Variants in SLC25A48 observed in about 807,000 individuals in gnomAD.
The protein encoded by SLC25A48 is solute carrier family 25 member 48.
SLC25A48 carries 29 observed loss-of-function variants against 32.2 expected under a neutral mutation model. The ratio of observed to expected loss-of-function variants is 0.90; its 90% CI spans 0.67 to 1.23. The LOEUF (loss-of-function observed/expected upper bound fraction) is 1.23. Among genes scored for constraint, SLC25A48 ranks in the 50% most tolerant of loss-of-function variants. The pLI is 0.00. For missense variants in SLC25A48, 399 were observed against 422.7 expected, an observed-to-expected ratio of 0.94 and a Z score of 0.49; for synonymous variants, 164 against 172.3, an observed-to-expected ratio of 0.95 and a Z score of 0.38.
chr5:135,842,564 A>G, intron 2 of SLC25A48, 105 bp downstream of exon 2: 2 of 1,205,624 alleles, frequency 1.7e-6, no homozygotes, highest in South Asian at 2.5e-5. Flanking sequence ...TCTTCTGCCC[A>G]GGGCAGACTC....
rs1756704823 is a variant in SLC25A48, at chr5:135,780,994, A to G, written c.-520-31529A>G. 1.7e-5 allele frequency among the ~76,000 whole-genome samples: 2 copies of G among 116,786 alleles called. 1 individual carries two copies. Among genetic ancestry groups the G allele is most frequent in the African/African-American group, 5.2e-5 (2 of 38,296 alleles). 76.6% of individuals were successfully genotyped at this position (116,786 alleles called of 152,430 possible). On this transcript the variant is annotated intron_variant, in intron 3 of 10. Transcript: ENST00000646290. ...ATCTCAGGGAGTGTACACTACCCCT[A>G]TATATTGTTCCTAATATCCAGGGGG...
intron 3 of SLC25A48, among the ~76,000 whole-genome samples, chr5:135,678,948 G>A (rs964673036): frequency 6.6e-6 from 1 of 152,118 alleles, no homozygotes; most frequent in Non-Finnish European, 1.5e-5. Flanking sequence ...GTCTGTCCTT[G>A]GGCTCCAGGA....
chr5:135,828,513 C>G (rs1012367323), intron 4 of SLC25A48, among the ~76,000 whole-genome samples: 20 of 152,332 alleles, frequency 1.3e-4, no homozygotes, highest in African/African-American at 4.8e-4. Context: ...CTCTCAGGTG[C>G]TGAGGAGGAT....
chr5:135,665,199 T>G (rs1261466073), intron 3 of SLC25A48, among the ~76,000 whole-genome samples: 1 of 152,216 alleles, frequency 6.6e-6, no homozygotes, highest in East Asian at 1.9e-4. Flanking sequence ...TTTTTTCATG[T>G]TTGTTGGCTA....
chr5:135,725,348 G>C lies in SLC25A48; in HGVS notation c.-520-87175G>C, dbSNP rs562437908. On this transcript the variant is annotated intron_variant, in intron 3 of 10. Coordinates refer to the SLC25A48 transcript ENST00000646290. ...GTGTGGAAGAGACTGTGACTGGAGT[G>C]GGGGCTGGTGGAGTGGTCAGGGATG... 1.7e-3 allele frequency among the ~76,000 whole-genome samples: 259 copies of C among 152,294 alleles called. 1 individual carries two copies. The highest frequency in any genetic ancestry group is 6.0e-3 in the African/African-American group (251 of 41,554).
chr5:135,603,214 A>C (rs760154667), intron 1 of SLC25A48, among the ~76,000 whole-genome samples: 4 of 152,106 alleles, frequency 2.6e-5, no homozygotes, highest in African/African-American at 9.7e-5. Context: ...TCATACATTC[A>C]TCTGGTTCCT....
At chr5:135,718,008 T>A (rs1187059825) in intron 3 of SLC25A48, among the ~76,000 whole-genome samples, 1 of 143,202 alleles carries the variant, frequency 7.0e-6, no homozygotes, top group Admixed American at 6.9e-5. Context: ...TTGAGACTCC[T>A]TTTTTGTTGT....
intron 4 of SLC25A48, among the ~76,000 whole-genome samples, chr5:135,820,986 C>T (rs920781105): frequency 1.3e-5 from 2 of 152,160 alleles, no homozygotes; most frequent in Admixed American, 6.5e-5. Flanking sequence ...GTCTCAGCCT[C>T]GTGACCATCA....
chr5:135,580,217 G>T (rs925899255), intron 1 of SLC25A48, among the ~76,000 whole-genome samples: 9 of 152,292 alleles, frequency 5.9e-5, no homozygotes, highest in African/African-American at 1.9e-4. Flanking sequence ...AGGCCAGGAG[G>T]GTCCTCAGTA....
At chr5:135,657,907 G>A (rs1327958130) in intron 3 of SLC25A48, among the ~76,000 whole-genome samples, 1 of 152,122 alleles carries the variant, frequency 6.6e-6, no homozygotes, top group East Asian at 1.9e-4. Flanking sequence ...AATAGCAAAG[G>A]GGAAATCTGC....
rs114387961 is a variant in SLC25A48, at chr5:135,580,263, C to T, written c.-849+666C>T. The stretch of plus-strand genomic sequence containing the variant: ...CAGAACTGGGACTCCTGTCCCTGGA[C>T]CACTCTGTTGCTTTGAGGCCTGTCT... On this transcript the variant is annotated intron_variant, in intron 1 of 10. Coordinates refer to the SLC25A48 transcript ENST00000646290. 5.8e-3 allele frequency among the ~76,000 whole-genome samples: 891 copies of T among 152,314 alleles called. 6 individuals are homozygous for T. Among genetic ancestry groups the T allele is most frequent in the African/African-American group, 0.02 (845 of 41,550 alleles).
At position 135,656,802 on chromosome 5, in the gene SLC25A48, A is replaced by T. The variant is rs568635030; in HGVS notation, c.-521+21846A>T. ...ATCTGCAAGCCAAGGAACGCCTGGG[A>T]CTGCCACTGCCAGCAAAACACTGGA... On this transcript the variant is annotated intron_variant, in intron 3 of 10. Coordinates refer to the SLC25A48 transcript ENST00000646290. Among the ~76,000 whole-genome samples, 340 of 152,274 alleles carry T rather than the reference A, an allele frequency of 2.2e-3. 3 individuals are homozygous for T. Among genetic ancestry groups the T allele is most frequent in the African/African-American group, 7.8e-3 (326 of 41,538 alleles).
At chr5:135,860,096 G>A (rs78630912) in intron 4 of SLC25A48, among the ~76,000 whole-genome samples, 1 of 152,148 alleles carries the variant, frequency 6.6e-6, no homozygotes, top group Non-Finnish European at 1.5e-5. Context: ...GTCTGGCAAA[G>A]TTAGCTCAGC....
chr5:135,692,614 C>T lies in SLC25A48; in HGVS notation c.-521+57658C>T, dbSNP rs1304885077. 2.6e-5 allele frequency among the ~76,000 whole-genome samples: 4 copies of T among 152,162 alleles called. No individual in the cohort carries two copies. The East Asian group carries it at 7.7e-4, about 29-fold the overall frequency. On this transcript the variant is annotated intron_variant, in intron 3 of 10. Coordinates refer to the SLC25A48 transcript ENST00000646290. ...ATTTGCTATTAAAAAGTGCCCCAGA[C>T]AGAGGAGAAGTCACGGGAAAGGTAG... is the stretch of plus-strand genomic sequence containing the variant.
At chr5:135,744,299 G>A (rs1580834296) in intron 3 of SLC25A48, among the ~76,000 whole-genome samples, 1 of 152,030 alleles carries the variant, frequency 6.6e-6, no homozygotes, top group Admixed American at 6.5e-5. Flanking sequence ...ACCTCCACTG[G>A]TAGAGATGGT....
intron 1 of SLC25A48, among the ~76,000 whole-genome samples, chr5:135,585,765 GATAATA>G (rs575237605): frequency 6.0e-5 from 9 of 151,248 alleles, no homozygotes; most frequent in Non-Finnish European, 8.8e-5. Flanking sequence ...GTAAAAAGAA[GATAATA>G]ATAATAATAA....
chr5:135,640,728 G>A (rs2126916290), intron 3 of SLC25A48, among the ~76,000 whole-genome samples: 1 of 151,990 alleles, frequency 6.6e-6, no homozygotes, highest in Non-Finnish European at 1.5e-5. Flanking sequence ...ATGATTAAAA[G>A]AACAAAAAAG....
In SLC25A48 at chr5:135,621,807, A is replaced by G. The variant is rs368484563; in HGVS notation, c.-848-7430A>G. Among the ~76,000 whole-genome samples the G allele has an allele frequency of 1.7e-4, 26 of 152,310 alleles. 1 individual carries two copies. The highest frequency in any genetic ancestry group is 6.0e-4 in the African/African-American group (25 of 41,572). ...AGGTTCCCAAGCTCCACCCCAGAGT[A>G]CAGAGTAGAGAATCTAGTTCTCATT... On this transcript the variant is annotated intron_variant, in intron 1 of 10. Transcript: ENST00000646290.
intron 3 of SLC25A48, chr5:135,648,649 G>T (rs1753029039): frequency 6.6e-6 from 1 of 152,214 alleles, no homozygotes; most frequent in South Asian, 2.1e-4. Flanking sequence ...AGCTCTGAGG[G>T]TTTATGATCC....
Sources: gnomAD v4.1 joint callset for allele counts (sites outside exome capture counted in the v4.1 genomes callset) on GRCh38, gnomAD v4.1.1 for gene constraint, MANE v1.5 for transcripts, NCBI Gene and HGNC (gene_info 2026-07-23, HGNC 2026-07-21) for gene names.